The following TANK variants were observed in gnomAD, a reference collection of about 807,000 sequenced individuals.
TANK encodes TRAF family member associated NFKB activator.
TANK carries 15 observed loss-of-function variants against 43.6 expected under a neutral mutation model. The ratio of observed to expected loss-of-function variants is 0.34; its 90% CI spans 0.23 to 0.53. The LOEUF is 0.53. TANK is among the 20% of genes least tolerant of loss of function. The pLI, the probability that TANK is intolerant of heterozygous loss-of-function variation, is 0.94. For synonymous variants in TANK, 162 were observed against 178.2 expected (o/e 0.91, Z 0.73); for missense variants, 417 against 498.6 (o/e 0.84, Z 1.56).
chr2:161,203,200 A>G (rs1341838087), intron 2 of TANK, among the ~76,000 whole-genome samples: 1 of 152,080 alleles, frequency 6.6e-6, no homozygotes, highest in Non-Finnish European at 1.5e-5. Flanking sequence ...GCTAAATTAC[A>G]GTTTTGATCC....
chr2:161,235,796 C>G lies in TANK; in HGVS notation c.*278C>G, dbSNP rs1688147941. 1 of 213,544 alleles carries G rather than the reference C, an allele frequency of 4.7e-6. No homozygotes were observed. The highest frequency in any genetic ancestry group is 2.3e-5 in the African/African-American group (1 of 43,692). 13.2% of individuals were successfully genotyped at this position (213,544 alleles called of 1,614,324 possible). On this transcript the variant is annotated 3_prime_UTR_variant, in exon 8 of 8. Transcript: ENST00000392749. ...TGTTTACAGTGCTATTACTATAATTCAAAATTATGTATGTGACTTAGAGTT... is the reference window on the plus strand; with the variant it reads ...TGTTTACAGTGCTATTACTATAATTGAAAATTATGTATGTGACTTAGAGTT...
At chr2:161,206,387 A>C (rs576644133) in intron 4 of TANK, among the ~76,000 whole-genome samples, 1 of 152,252 alleles carries the variant, frequency 6.6e-6, no homozygotes, top group Non-Finnish European at 1.5e-5. Context: ...CAAGAGTGCT[A>C]TATTTATTTC....
At chr2:161,216,940 A>G (rs1031665915) in intron 4 of TANK, among the ~76,000 whole-genome samples, 3 of 152,212 alleles carry the variant, frequency 2.0e-5, no homozygotes, top group African/African-American at 7.2e-5. Flanking sequence ...GCTTCAGAGG[A>G]GAAAGTGCTT....
intron 1 of TANK, among the ~76,000 whole-genome samples, chr2:161,178,765 C>T (rs1356999556): frequency 6.6e-6 from 1 of 152,086 alleles, no homozygotes; most frequent in African/African-American, 2.4e-5. Flanking sequence ...AGAATTTTCA[C>T]AAACATGAAA....
At chr2:161,156,661 C>T (rs1362398773), upstream of TANK, among the ~76,000 whole-genome samples, 1 of 45,586 alleles carries the variant, frequency 2.2e-5, no homozygotes, top group East Asian at 0.022. Flanking sequence ...CTGTCTGATG[C>T]TATTAAGTTC....
At chr2:161,170,552 A>G (rs1684899067) in intron 1 of TANK, among the ~76,000 whole-genome samples, 1 of 152,196 alleles carries the variant, frequency 6.6e-6, no homozygotes, top group South Asian at 2.1e-4. Context: ...ATAGCATTTT[A>G]TAGTGCTTTC....
chr2:161,191,342 C>T (rs1685906170), intron 2 of TANK, among the ~76,000 whole-genome samples: 1 of 152,194 alleles, frequency 6.6e-6, no homozygotes, highest in Non-Finnish European at 1.5e-5. Context: ...TCCTCTCCCT[C>T]ACTCCCCAGG....
At chr2:161,215,270 T>C (rs759459424) in intron 4 of TANK, among the ~76,000 whole-genome samples, 1 of 152,198 alleles carries the variant, frequency 6.6e-6, no homozygotes, top group Non-Finnish European at 1.5e-5. Context: ...GTAAGTTACT[T>C]TTCATCCTCC....
intron 1 of TANK, among the ~76,000 whole-genome samples, chr2:161,141,779 T>C (rs1683755170): frequency 6.6e-6 from 1 of 152,206 alleles, no homozygotes; most frequent in African/African-American, 2.4e-5. Context: ...TAAATAGTGC[T>C]GCACGAAACA....
At chr2:161,207,599 G>A in intron 4 of TANK, 1 of 985,326 alleles carries the variant, frequency 1.0e-6, no homozygotes, top group Non-Finnish European at 1.2e-6. Context: ...TTGGCTGTGT[G>A]CTTAGTGTAA....
intron 1 of TANK, among the ~76,000 whole-genome samples, chr2:161,170,506 A>G (rs1684897644): frequency 6.6e-6 from 1 of 152,260 alleles, no homozygotes; most frequent in South Asian, 2.1e-4. Flanking sequence ...AGGCAACTTT[A>G]TGAAAGCCTG....
At chr2:161,174,437 T>G (rs966800479) in intron 1 of TANK, among the ~76,000 whole-genome samples, 12 of 152,200 alleles carry the variant, frequency 7.9e-5, no homozygotes, top group Non-Finnish European at 1.5e-4. Context: ...CTTCTCACCA[T>G]TGTGAAATGA....
intron 4 of TANK, among the ~76,000 whole-genome samples, chr2:161,221,567 G>A (rs561423229): frequency 1.3e-5 from 2 of 152,004 alleles, no homozygotes; most frequent in East Asian, 1.9e-4. Context: ...TTTTCAGAAA[G>A]TTGTATCAGA....
At chr2:161,225,290 A>G (rs1163442648) in intron 6 of TANK, among the ~76,000 whole-genome samples, 1 of 151,876 alleles carries the variant, frequency 6.6e-6, no homozygotes, top group East Asian at 1.9e-4. Context: ...TGCAGTGGCT[A>G]TTCACAGGCC....
chr2:161,167,783 C>T (rs995659565), intron 1 of TANK, among the ~76,000 whole-genome samples: 12 of 152,118 alleles, frequency 7.9e-5, no homozygotes, highest in African/African-American at 2.4e-4. Flanking sequence ...CCACCACGAC[C>T]GGCTAATTTT....
chr2:161,207,356 G>A, intron 4 of TANK: 1 of 956,096 alleles, frequency 1.0e-6, no homozygotes, highest in Non-Finnish European at 1.2e-6. Flanking sequence ...TTTACTAATA[G>A]GGGAAAGGTT....
At chr2:161,146,010 G>T (rs1683900326) in intron 1 of TANK, among the ~76,000 whole-genome samples, 2 of 152,078 alleles carry the variant, frequency 1.3e-5, no homozygotes. Context: ...TCTCAGAGGT[G>T]TTGTTCATTC....
intron 6 of TANK, among the ~76,000 whole-genome samples, chr2:161,228,198 A>G (rs1277910748): frequency 6.6e-6 from 1 of 152,230 alleles, no homozygotes; most frequent in Admixed American, 6.5e-5. Flanking sequence ...AACAGATTGC[A>G]TATACAATGA....
At chr2:161,229,880 G>A (rs1687821786) in intron 6 of TANK, among the ~76,000 whole-genome samples, 1 of 152,178 alleles carries the variant, frequency 6.6e-6, no homozygotes, top group South Asian at 2.1e-4. Context: ...GGGACATTGT[G>A]GAGCTTAATT....
Sources: gnomAD v4.1 joint callset for allele counts (sites outside exome capture counted in the v4.1 genomes callset) on GRCh38, gnomAD v4.1.1 for gene constraint, MANE v1.5 for transcripts, NCBI Gene and HGNC (gene_info 2026-07-23, HGNC 2026-07-21) for gene names.